Variants in CNTNAP3B observed in about 807,000 individuals in gnomAD.
The protein encoded by CNTNAP3B is contactin-associated protein-like 3B.
In CNTNAP3B, 25 loss-of-function variants were observed where a neutral mutation model predicts 108.9. That is an observed-to-expected ratio of 0.23 (90% CI 0.17 to 0.32). CNTNAP3B has a LOEUF of 0.32. CNTNAP3B is among the 10% of genes least tolerant of loss of function. The pLI, the probability that CNTNAP3B is intolerant of heterozygous loss-of-function variation, is 1.00. For missense variants in CNTNAP3B, 252 were observed against 1,210.4 expected, an observed-to-expected ratio of 0.21 and a Z score of 11.75; for synonymous variants, 103 against 473.4, an observed-to-expected ratio of 0.22 and a Z score of 10.16.
At chr9:42,109,895 G>A (rs1828158293) in intron 1 of CNTNAP3B, among the ~76,000 whole-genome samples, 1 of 136,806 alleles carries the variant, frequency 7.3e-6, no homozygotes, top group Non-Finnish European at 1.6e-5. Flanking sequence ...GATGAACAGA[G>A]CCCCATACAA....
chr9:42,077,342 A>T (rs1827513618), intron 2 of CNTNAP3B, among the ~76,000 whole-genome samples: 1 of 131,756 alleles, frequency 7.6e-6, no homozygotes, highest in Non-Finnish European at 1.6e-5. Context: ...AACTTTTGGA[A>T]CTAGTGTTAT....
chr9:41,924,540 CAT>C (rs1323987771), intron 15 of CNTNAP3B, among the ~76,000 whole-genome samples: 97 of 152,272 alleles, frequency 6.4e-4, no homozygotes, highest in African/African-American at 2.3e-3. Flanking sequence ...CAGTTTGGGA[CAT>C]GTTTCATTTG....
chr9:42,082,807 AC>A (rs1203204069), intron 2 of CNTNAP3B, among the ~76,000 whole-genome samples: 2 of 140,646 alleles, frequency 1.4e-5, no homozygotes, highest in Admixed American at 7.1e-5. Context: ...TAAACAAAAA[AC>A]AAATAGTAGA....
chr9:41,924,972 G>A (rs527338890), intron 15 of CNTNAP3B, among the ~76,000 whole-genome samples: 157 of 151,978 alleles, frequency 1.0e-3, no homozygotes, highest in African/African-American at 3.7e-3. Context: ...TACCACAGAA[G>A]GGCTGCTGTG....
chr9:41,954,150 C>T (rs1266912178), intron 12 of CNTNAP3B, among the ~76,000 whole-genome samples: 3 of 152,360 alleles, frequency 2.0e-5, no homozygotes, highest in African/African-American at 7.2e-5. Flanking sequence ...CTGTCTGGTC[C>T]TTTAACCTCT....
chr9:41,917,125 G>A (rs1370355767), intron 18 of CNTNAP3B, among the ~76,000 whole-genome samples: 5 of 152,272 alleles, frequency 3.3e-5, no homozygotes, highest in Admixed American at 6.5e-5. Flanking sequence ...ATTTTTTTCT[G>A]ATCCTTTCTC....
chr9:42,006,041 G>C lies in CNTNAP3B; in HGVS notation c.538+7337C>G, dbSNP rs1310072723. On this transcript the variant is annotated intron_variant, in intron 4 of 23. Coordinates refer to ENST00000377561, the MANE Select transcript of CNTNAP3B (RefSeq NM_001201380.3). ...GGCCTTCAAATCTCAGTTGGGACTA[G>C]TGAAGCACTGTACTCCAGATATAAG... 7.7e-5 allele frequency among the ~76,000 whole-genome samples: 3 copies of C among 39,182 alleles called. 1 individual carries two copies. The highest frequency in any genetic ancestry group is 1.9e-4 in the African/African-American group (3 of 15,858). 25.7% of individuals were successfully genotyped at this position (39,182 alleles called of 152,430 possible). A position where few individuals can be genotyped will look rare whatever the true frequency, so the allele number is the denominator to read the frequency against.
intron 9 of CNTNAP3B, among the ~76,000 whole-genome samples, chr9:41,970,981 AAG>A (rs1178336848): frequency 1.3e-5 from 2 of 151,388 alleles, no homozygotes; most frequent in Non-Finnish European, 2.9e-5. Flanking sequence ...TATGAATAGA[AAG>A]AGATAAAATA....
intron 13 of CNTNAP3B, among the ~76,000 whole-genome samples, chr9:41,943,913 T>G (rs1178165169): frequency 6.6e-6 from 1 of 152,252 alleles, no homozygotes; most frequent in Non-Finnish European, 1.5e-5. Flanking sequence ...AAATAAAATC[T>G]TTTAAAAATA....
intron 1 of CNTNAP3B, among the ~76,000 whole-genome samples, chr9:42,115,609 A>G (rs1828297916): frequency 7.9e-6 from 1 of 127,378 alleles, no homozygotes; most frequent in Non-Finnish European, 1.6e-5. Context: ...CAGGGTCTGG[A>G]CTGGACCTCC....
chr9:41,964,112 C>A (rs1426474607), intron 11 of CNTNAP3B, among the ~76,000 whole-genome samples: 3 of 152,298 alleles, frequency 2.0e-5, no homozygotes, highest in African/African-American at 7.2e-5. Flanking sequence ...GTTAAAAAAT[C>A]TTTAAATACC....
intron 1 of CNTNAP3B, among the ~76,000 whole-genome samples, chr9:42,107,769 A>C (rs1828111082): frequency 7.3e-6 from 1 of 136,834 alleles, no homozygotes; most frequent in Admixed American, 7.3e-5. Flanking sequence ...AGGTCAGGAG[A>C]TCGAGACCAT....
intron 10 of CNTNAP3B, among the ~76,000 whole-genome samples, chr9:41,969,385 AC>A (rs1368154439): frequency 1.3e-5 from 2 of 148,262 alleles, no homozygotes; most frequent in Non-Finnish European, 3.0e-5. Flanking sequence ...AGCAGAAATT[AC>A]TTTTTATTTT....
chr9:41,931,986 A>G lies in CNTNAP3B; in HGVS notation c.2238-2542T>C, dbSNP rs887906350. Among the ~76,000 whole-genome samples, 3 of 152,198 alleles carry G rather than the reference A, an allele frequency of 2.0e-5. No individual in the cohort carries two copies. The East Asian group carries it at 5.8e-4, about 29-fold the overall frequency. On this transcript the variant is annotated intron_variant, in intron 14 of 23. Transcript: ENST00000377561. ...TTAATTAGGGCAGATACTATAATAAAGTCTTGTTTTTTCATTGTTTTGGAA... is the reference window on the plus strand; with the variant it reads ...TTAATTAGGGCAGATACTATAATAAGGTCTTGTTTTTTCATTGTTTTGGAA...
chr9:42,047,377 C>T (rs1440745254), intron 3 of CNTNAP3B, among the ~76,000 whole-genome samples: 1 of 133,776 alleles, frequency 7.5e-6, no homozygotes, highest in Non-Finnish European at 1.6e-5. Context: ...GTTACTAAAG[C>T]TAAAATCAGG....
intron 2 of CNTNAP3B, among the ~76,000 whole-genome samples, chr9:42,095,873 A>C (rs1416630384): frequency 7.3e-6 from 1 of 137,408 alleles, no homozygotes; most frequent in Non-Finnish European, 1.6e-5. Context: ...GAGTGTGTTC[A>C]AGCCCCAAGT....
chr9:41,927,553 G>A lies in CNTNAP3B; in HGVS notation c.2365+1764C>T, dbSNP rs1239493531. 2.6e-5 allele frequency among the ~76,000 whole-genome samples: 4 copies of A among 151,648 alleles called. 1 individual carries two copies. The highest frequency in any genetic ancestry group is 4.8e-5 in the African/African-American group (2 of 41,248). On this transcript the variant is annotated intron_variant, in intron 15 of 23. Transcript: ENST00000377561. ...AAGGAGAGAAAGAGGGAGGGAGGGAGGGAGGAAGGAAGGAAGGAGCCATCT... is the reference window on the plus strand; with the variant it reads ...AAGGAGAGAAAGAGGGAGGGAGGGAAGGAGGAAGGAAGGAAGGAGCCATCT...
chr9:41,995,682 G>C, intron 7 of CNTNAP3B, among the ~76,000 whole-genome samples: 1 of 121,444 alleles, frequency 8.2e-6, no homozygotes, highest in Non-Finnish European at 1.7e-5. Context: ...AGTGAGCCAA[G>C]ATCGTGACAC....
At chr9:41,934,100 CATATATATATAT>C (rs1186532915) in intron 14 of CNTNAP3B, among the ~76,000 whole-genome samples, 5 of 90,212 alleles carry the variant, frequency 5.5e-5, no homozygotes, top group South Asian at 3.8e-4. Context: ...ATATTTGTTA[CATATATATATAT>C]ATATATATAT....
Sources: gnomAD v4.1 joint callset for allele counts (sites outside exome capture counted in the v4.1 genomes callset) on GRCh38, gnomAD v4.1.1 for gene constraint, MANE v1.5 for transcripts, NCBI Gene and HGNC (gene_info 2026-07-23, HGNC 2026-07-21) for gene names.